BEND6: variants seen among roughly 807,000 people sequenced by gnomAD.
BEND6 encodes the protein BEN domain containing 6.
In BEND6, 24 loss-of-function variants were observed where a neutral mutation model predicts 31.8. That is an observed-to-expected ratio of 0.75 (90% CI 0.55 to 1.06). The LOEUF (loss-of-function observed/expected upper bound fraction) is 1.06. Among genes scored for constraint, BEND6 ranks in the 50% least tolerant of loss-of-function variants. BEND6 has a pLI of 0.00. For missense variants in BEND6, 294 were observed against 327.4 expected, an observed-to-expected ratio of 0.90 and a Z score of 0.79; for synonymous variants, 109 against 114.6, an observed-to-expected ratio of 0.95 and a Z score of 0.31.
In BEND6 at chr6:57,015,145, C is replaced by A; in HGVS notation, c.311C>A (p.Ala104Glu). 1.2e-6 allele frequency: 2 copies of A among 1,613,980 alleles called. No individual in the cohort carries two copies. Among genetic ancestry groups the A allele is most frequent in the Non-Finnish European group, 1.7e-6 (2 of 1,179,910 alleles). The change falls in exon 4 of 7, where the codon GCA (alanine) becomes GAA (glutamate). Residue 104 changes from alanine to glutamate, a missense_variant. By Grantham distance (107) the Ala-to-Glu change is moderately radical (BLOSUM62 -1). Coordinates refer to ENST00000370746, the MANE Select transcript of BEND6 (RefSeq NM_152731.3). ...SLVMLQVLPQ[A>E]VTQFEELVGM... is the part of the protein sequence containing the mutation. ...CTTGCCATTTTAGTGTTACCACAAGCAGTCACCCAGTTTGAAGAATTGGTT... is the reference window on the plus strand; with the variant it reads ...CTTGCCATTTTAGTGTTACCACAAGAAGTCACCCAGTTTGAAGAATTGGTT...
intron 1 of BEND6, among the ~76,000 whole-genome samples, chr6:56,964,579 A>G (rs1031097640): frequency 1.1e-4 from 17 of 151,288 alleles, no homozygotes; most frequent in East Asian, 1.9e-4. Context: ...ATAGCTTACT[A>G]TAGCCTCCAT....
chr6:56,981,069 C>A (rs1826047790), intron 1 of BEND6, among the ~76,000 whole-genome samples: 1 of 152,174 alleles, frequency 6.6e-6, no homozygotes, highest in Non-Finnish European at 1.5e-5. Context: ...CCACCTCGGC[C>A]TGCCAAAGTG....
chr6:57,010,371 A>G (rs1225773554), intron 3 of BEND6: 5 of 152,228 alleles, frequency 3.3e-5, no homozygotes, highest in African/African-American at 1.2e-4. Flanking sequence ...TCCTTACTGG[A>G]TCTTGATTCG....
At chr6:56,957,539 G>T (rs1342868679) in intron 1 of BEND6, among the ~76,000 whole-genome samples, 1 of 152,170 alleles carries the variant, frequency 6.6e-6, no homozygotes, top group African/African-American at 2.4e-5. Flanking sequence ...CTTTTTGGAA[G>T]TTAATTTAGT....
In BEND6 at chr6:57,026,203, C is replaced by CATAT. The variant is rs1252492664; in HGVS notation, c.*132_*135dup. The CATAT allele has an allele frequency of 6.6e-6, 1 of 152,296 alleles. No homozygotes were observed. The highest frequency in any genetic ancestry group is 1.9e-4 in the East Asian group (1 of 5,188). 9.4% of individuals were successfully genotyped at this position (152,296 alleles called of 1,614,324 possible). A position where few individuals can be genotyped will look rare whatever the true frequency, so the allele number is the denominator to read the frequency against. ...ACATGTGCAGTGACAGGCTGTAAGACATATGTAACATTGCTGAGCTCTCCT... is the reference window on the plus strand; with the variant it reads ...ACATGTGCAGTGACAGGCTGTAAGACATATATATGTAACATTGCTGAGCTCTCCT... On this transcript the variant is annotated 3_prime_UTR_variant, in exon 7 of 7. Transcript: ENST00000370746.
chr6:56,992,269 C>T (rs763022456), intron 2 of BEND6, 109 bp from the exon 3 acceptor site: 470 of 1,232,026 alleles, frequency 3.8e-4, no homozygotes, highest in Non-Finnish European at 4.6e-4. Flanking sequence ...GCAGGAAGTG[C>T]CTGTGAGAAC....
intron 1 of BEND6, among the ~76,000 whole-genome samples, chr6:56,956,001 G>A (rs1050337047): frequency 1.3e-5 from 2 of 152,210 alleles, no homozygotes; most frequent in Admixed American, 1.3e-4. Flanking sequence ...GCCTTTCTGC[G>A]GACGGCCACG....
chr6:56,983,097 A>G lies in BEND6; in HGVS notation c.120+1167A>G, dbSNP rs570178042. On this transcript the variant is annotated intron_variant, in intron 2 of 6. Transcript: ENST00000370746. ...CACTGTACCACCTTATGTGTACATC[A>G]TTTGATAGTACAGTGGTATTAAAAT... Among the ~76,000 whole-genome samples, 15 of 152,288 alleles carry G rather than the reference A, an allele frequency of 9.8e-5. 1 individual carries two copies. The South Asian group carries it at 2.9e-3, about 29-fold the overall frequency.
intron 3 of BEND6, among the ~76,000 whole-genome samples, chr6:57,012,533 A>G (rs116372354): frequency 2.6e-5 from 4 of 152,214 alleles, no homozygotes; most frequent in African/African-American, 4.8e-5. Context: ...CCCTTTACCT[A>G]TGTAATTTCT....
At chr6:56,966,571 G>A (rs1247156618) in intron 1 of BEND6, among the ~76,000 whole-genome samples, 1 of 152,188 alleles carries the variant, frequency 6.6e-6, no homozygotes, top group African/African-American at 2.4e-5. Context: ...AGTTCTGCCT[G>A]TGCCTGCAGG....
intron 2 of BEND6, among the ~76,000 whole-genome samples, chr6:56,992,126 T>C (rs1266426255): frequency 1.7e-4 from 26 of 152,232 alleles, no homozygotes; most frequent in Non-Finnish European, 1.5e-5. Flanking sequence ...ACTTTGTATT[T>C]TTCACTGAAG....
In BEND6 at chr6:57,014,474, A is replaced by G. The variant is rs774810996; in HGVS notation, c.299-659A>G. ...TATTTGTCCTTAGGAAACAAACTAG[A>G]TATAACAACAGAGAAGACCATTTTA... is the stretch of plus-strand genomic sequence containing the variant. On this transcript the variant is annotated intron_variant, in intron 3 of 6. Coordinates refer to ENST00000370746, the MANE Select transcript of BEND6 (RefSeq NM_152731.3). The G allele has an allele frequency of 3.3e-6, 5 of 1,517,570 alleles. No homozygotes were observed. The South Asian group carries it at 3.8e-5, about 12-fold the overall frequency. 94.0% of individuals were successfully genotyped at this position (1,517,570 alleles called of 1,614,324 possible).
At chr6:56,966,435 T>A (rs1489955895) in intron 1 of BEND6, among the ~76,000 whole-genome samples, 1 of 152,140 alleles carries the variant, frequency 6.6e-6, no homozygotes, top group Non-Finnish European at 1.5e-5. Flanking sequence ...AGGCACATAA[T>A]TATTGGGGGG....
At chr6:56,990,862 G>C (rs1194279423) in intron 2 of BEND6, among the ~76,000 whole-genome samples, 1 of 152,120 alleles carries the variant, frequency 6.6e-6, no homozygotes, top group African/African-American at 2.4e-5. Context: ...TCTCTTCCAA[G>C]CTCCAGCGTT....
At chr6:56,969,886 G>A (rs17758663) in intron 1 of BEND6, among the ~76,000 whole-genome samples, 8,967 of 151,748 alleles carry the variant, frequency 0.059, 387 homozygotes, top group East Asian at 0.18. Context: ...TCTTAATTCC[G>A]AGACACTGTG....
intron 3 of BEND6, 54 bp downstream of exon 3, chr6:56,992,609 G>T: frequency 6.6e-7 from 1 of 1,514,166 alleles, no homozygotes; most frequent in South Asian, 1.3e-5. Flanking sequence ...TATGATCAGT[G>T]GAAAGTATTG....
chr6:56,986,971 TTC>T (rs1195867880), intron 2 of BEND6, among the ~76,000 whole-genome samples: 3 of 146,742 alleles, frequency 2.0e-5, no homozygotes, highest in African/African-American at 7.6e-5. Context: ...TGTGTTTCTT[TTC>T]TTTTTTTTTT....
intron 3 of BEND6, among the ~76,000 whole-genome samples, chr6:56,997,615 G>A (rs6901660): frequency 0.21 from 32,414 of 152,036 alleles, 3,606 homozygotes; most frequent in Middle Eastern, 0.23. Flanking sequence ...GTGCAGTGGC[G>A]CAATCTCGGC....
intron 1 of BEND6, among the ~76,000 whole-genome samples, chr6:56,971,045 T>C (rs1562537213): frequency 6.6e-6 from 1 of 152,224 alleles, no homozygotes; most frequent in Non-Finnish European, 1.5e-5. Context: ...CTTAGTATTA[T>C]TGTGCAACCA....
Sources: allele counts gnomAD v4.1 joint callset (sites outside exome capture counted in the v4.1 genomes callset), GRCh38; gene constraint gnomAD v4.1.1; transcripts MANE v1.5; gene names NCBI Gene and HGNC (gene_info 2026-07-23, HGNC 2026-07-21).